The following WIPI2 variants were observed in gnomAD, a reference collection of about 807,000 sequenced individuals.
WIPI2 encodes the protein WD repeat domain phosphoinositide-interacting protein 2.
WIPI2 carries 28 observed loss-of-function variants against 52.3 expected under a neutral mutation model. The ratio of observed to expected loss-of-function variants is 0.54; its 90% CI spans 0.40 to 0.73. WIPI2 has a LOEUF of 0.73. Ranked by LOEUF, WIPI2 falls within the 30% of genes least tolerant of loss-of-function variation. The pLI is 0.00. For synonymous variants in WIPI2, 268 were observed against 245.0 expected (o/e 1.09, Z -0.88); for missense variants, 506 against 602.9 (o/e 0.84, Z 1.68).
At position 5,233,270 on chromosome 7, in the gene WIPI2, G is replaced by C. The variant is rs547031788; in HGVS notation, c.*2323G>C. 5 of 152,344 alleles carry C rather than the reference G, an allele frequency of 3.3e-5. No homozygotes were observed. The highest frequency in any genetic ancestry group is 2.1e-4 in the South Asian group (1 of 4,824). 9.4% of individuals were successfully genotyped at this position (152,344 alleles called of 1,614,324 possible). A position where few individuals can be genotyped will look rare whatever the true frequency, so the allele number is the denominator to read the frequency against. Reference sequence around the variant, plus strand: ...GCCACCAGCTCCTCTTCCTCTGCTCGAACCTATGAGTCCCAGCCTCACTGG... The same window carrying C: ...GCCACCAGCTCCTCTTCCTCTGCTCCAACCTATGAGTCCCAGCCTCACTGG... On this transcript the variant is annotated 3_prime_UTR_variant, in exon 13 of 13. Transcript: ENST00000288828.
intron 9 of WIPI2, 122 bp downstream of exon 9, chr7:5,226,052 C>A (rs879632233): frequency 2.1e-6 from 2 of 968,016 alleles, no homozygotes; most frequent in Non-Finnish European, 1.6e-6. Context: ...GTGAAGACCC[C>A]GGAGCTGGCC....
At chr7:5,193,476 CCTG>C in intron 2 of WIPI2, 1 of 570,182 alleles carries the variant, frequency 1.8e-6, no homozygotes, top group Non-Finnish European at 2.6e-6. Flanking sequence ...ACAGGAGAAA[CCTG>C]TTGTTTTCTT....
intron 9 of WIPI2, 47 bp downstream of exon 9, chr7:5,225,977 G>A: frequency 6.5e-7 from 1 of 1,546,928 alleles, no homozygotes; most frequent in Non-Finnish European, 8.8e-7. Flanking sequence ...AAAACCCTTT[G>A]TCCCCACTTG....
Position 5,227,045 on chromosome 7 carries a change from C to T in WIPI2, c.849-135C>T. ...GGGGCCCTGAGTGTCTGCTTATAACCAACCCTGTTTAATTTTCCTGTGAAG... is the reference window on the plus strand; with the variant it reads ...GGGGCCCTGAGTGTCTGCTTATAACTAACCCTGTTTAATTTTCCTGTGAAG... On this transcript the variant is annotated intron_variant, in intron 9 of 12. Transcript: ENST00000288828. This position sits in a 1 kb window ranked among gnomAD's most constrained non-coding sequence, Gnocchi z 8.1. The T allele has an allele frequency of 1.6e-6, 2 of 1,278,094 alleles. No individual in the cohort carries two copies. Among genetic ancestry groups the T allele is most frequent in the Non-Finnish European group, 2.2e-6 (2 of 924,794 alleles). The allele number at this position is 1,278,094 out of a possible 1,614,324, so 79.2% of individuals were successfully genotyped here.
At chr7:5,195,786 A>G (rs1480917791) in intron 2 of WIPI2, among the ~76,000 whole-genome samples, 1 of 152,196 alleles carries the variant, frequency 6.6e-6, no homozygotes, top group Admixed American at 6.6e-5. Context: ...CACGCCTGTA[A>G]TCCCAGCACT....
chr7:5,223,679 CCTT>C (rs1317001990), intron 8 of WIPI2, among the ~76,000 whole-genome samples: 35 of 152,332 alleles, frequency 2.3e-4, no homozygotes, highest in African/African-American at 8.4e-4. Flanking sequence ...AGCCTGGCTT[CCTT>C]CTTGAGGTGC....
chr7:5,227,017 C>G lies in WIPI2; in HGVS notation c.849-163C>G, dbSNP rs1308524484. ...CTCCCAGAGGAAGCTCCGTGATGCC[C>G]CTGGGGCCCTGAGTGTCTGCTTATA... is the stretch of plus-strand genomic sequence containing the variant. On this transcript the variant is annotated intron_variant, in intron 9 of 12. Coordinates refer to ENST00000288828, the MANE Select transcript of WIPI2 (RefSeq NM_015610.4). This position sits in a 1 kb window ranked among gnomAD's most constrained non-coding sequence, Gnocchi z 8.1. The G allele has an allele frequency of 8.7e-6, 8 of 920,584 alleles. No individual in the cohort carries two copies. Among genetic ancestry groups the G allele is most frequent in the African/African-American group, 1.7e-5 (1 of 60,146 alleles). 57.0% of individuals were successfully genotyped at this position (920,584 alleles called of 1,614,324 possible). A position where few individuals can be genotyped will look rare whatever the true frequency, so the allele number is the denominator to read the frequency against.
chr7:5,228,757 G>T (rs1208451491), intron 11 of WIPI2, among the ~76,000 whole-genome samples: 1 of 152,150 alleles, frequency 6.6e-6, no homozygotes, highest in African/African-American at 2.4e-5. Flanking sequence ...TAGAGATAGG[G>T]TCTCACCCTC....
At chr7:5,198,696 C>G (rs1345280743) in intron 2 of WIPI2, among the ~76,000 whole-genome samples, 1 of 152,184 alleles carries the variant, frequency 6.6e-6, no homozygotes, top group Non-Finnish European at 1.5e-5. Flanking sequence ...TTTGAGGAAA[C>G]CAGTAAGGCT....
chr7:5,190,679 G>T (rs150788706), intron 1 of WIPI2, 186 bp downstream of exon 1: 1 of 469,138 alleles, frequency 2.1e-6, no homozygotes, highest in Non-Finnish European at 3.5e-6. Flanking sequence ...GGAGACCCTC[G>T]GGTGCTGGCC....
chr7:5,231,919 G>T lies in WIPI2; in HGVS notation c.*972G>T. Reference sequence around the variant, plus strand: ...AGACAGCAACAGAGAGTAGGCGGCTGGGCCACGTCCTTCACAGGGCGTCAT... The same window carrying T: ...AGACAGCAACAGAGAGTAGGCGGCTTGGCCACGTCCTTCACAGGGCGTCAT... On this transcript the variant is annotated 3_prime_UTR_variant, in exon 13 of 13. Coordinates refer to ENST00000288828, the MANE Select transcript of WIPI2 (RefSeq NM_015610.4). The T allele has an allele frequency of 3.1e-6, 1 of 325,424 alleles. No homozygotes were observed. The highest frequency in any genetic ancestry group is 5.6e-6 in the Non-Finnish European group (1 of 179,752). The allele number at this position is 325,424 out of a possible 1,614,324, so 20.2% of individuals were successfully genotyped here. A position where few individuals can be genotyped will look rare whatever the true frequency, so the allele number is the denominator to read the frequency against.
intron 5 of WIPI2, 44 bp downstream of exon 5, chr7:5,216,703 C>T: frequency 6.3e-7 from 1 of 1,588,528 alleles, no homozygotes; most frequent in South Asian, 1.1e-5. Context: ...TCTGATTTTG[C>T]CCTTGAAAGA....
intron 2 of WIPI2, among the ~76,000 whole-genome samples, chr7:5,196,601 A>G (rs1401152836): frequency 5.3e-5 from 8 of 151,954 alleles, no homozygotes; most frequent in Admixed American, 3.9e-4. Flanking sequence ...GAGAACTGGG[A>G]TGTCTAACCC....
At chr7:5,193,644 TA>T (rs1161955536) in intron 2 of WIPI2, among the ~76,000 whole-genome samples, 1 of 152,238 alleles carries the variant, frequency 6.6e-6, no homozygotes, top group Non-Finnish European at 1.5e-5. Flanking sequence ...ATAATGATCA[TA>T]GCTTACTGCA....
At chr7:5,191,621 G>T (rs552556756) in intron 1 of WIPI2, among the ~76,000 whole-genome samples, 12 of 152,282 alleles carry the variant, frequency 7.9e-5, no homozygotes, top group Admixed American at 7.9e-4. Context: ...AGAGAGAAGG[G>T]TGAGTTATGG....
chr7:5,221,193 C>G (rs1783107263), intron 7 of WIPI2, among the ~76,000 whole-genome samples: 1 of 152,068 alleles, frequency 6.6e-6, no homozygotes, highest in Non-Finnish European at 1.5e-5. Context: ...GAACTCCTCA[C>G]CTCAGGTGAC....
intron 3 of WIPI2, among the ~76,000 whole-genome samples, chr7:5,201,527 T>C (rs1782025956): frequency 6.6e-6 from 1 of 152,150 alleles, no homozygotes; most frequent in African/African-American, 2.4e-5. Context: ...GCAGATCACA[T>C]GAGGCCAGGA....
chr7:5,191,020 T>G (rs927208954), intron 1 of WIPI2, among the ~76,000 whole-genome samples: 2 of 151,974 alleles, frequency 1.3e-5, no homozygotes, highest in African/African-American at 2.4e-5. Context: ...TTTTGTTTTT[T>G]GGGGTTTGTT....
chr7:5,190,617 A>G (rs1434044013), intron 1 of WIPI2, 124 bp downstream of exon 1: 4 of 1,006,730 alleles, frequency 4.0e-6, no homozygotes, highest in Non-Finnish European at 5.3e-6. Flanking sequence ...CAAGGCGCGC[A>G]GAGGCGTCCC....
Sources: gnomAD v4.1 joint callset for allele counts (sites outside exome capture counted in the v4.1 genomes callset) on GRCh38, gnomAD v4.1.1 for gene constraint, Gnocchi (gnomAD v3.1) non-coding constraint, MANE v1.5 for transcripts, NCBI Gene and HGNC (gene_info 2026-07-23, HGNC 2026-07-21) for gene names.